CPQ: variants seen among roughly 807,000 people sequenced by gnomAD.
CPQ encodes the protein Ser-Met dipeptidase.
A neutral mutation model predicts 45.7 loss-of-function variants in CPQ; 37 were observed. The observed-to-expected ratio is 0.81, with a 90% CI of 0.62 to 1.07. The LOEUF (loss-of-function observed/expected upper bound fraction) is 1.07, where lower values mean the gene tolerates loss of function less well. Among genes scored for constraint, CPQ ranks in the 50% least tolerant of loss-of-function variants. The pLI is 0.00. For synonymous variants in CPQ, 186 were observed against 205.8 expected (o/e 0.90, Z 0.82); for missense variants, 537 against 572.9 (o/e 0.94, Z 0.64).
At chr8:96,743,476 C>T (rs931551573) in intron 1 of CPQ, among the ~76,000 whole-genome samples, 13 of 152,278 alleles carry the variant, frequency 8.5e-5, no homozygotes, top group East Asian at 1.9e-4. Context: ...TCTCTCAGCT[C>T]GTCAAAGTCA....
At chr8:96,679,335 A>C (rs1809117736) in intron 1 of CPQ, among the ~76,000 whole-genome samples, 1 of 151,600 alleles carries the variant, frequency 6.6e-6, no homozygotes, top group Non-Finnish European at 1.5e-5. Flanking sequence ...TTTGTTGAGA[A>C]TTTTTGCATC....
chr8:96,914,581 T>G (rs921540615), intron 4 of CPQ, among the ~76,000 whole-genome samples: 45 of 152,312 alleles, frequency 3.0e-4, no homozygotes, highest in African/African-American at 1.0e-3. Flanking sequence ...TTTGGCATTC[T>G]TTTTTCCATT....
chr8:97,071,183 T>G (rs1810735871), intron 7 of CPQ, among the ~76,000 whole-genome samples: 1 of 152,184 alleles, frequency 6.6e-6, no homozygotes, highest in Non-Finnish European at 1.5e-5. Context: ...GTGTATATTC[T>G]GACTTCAAAA....
At chr8:97,040,960 G>A (rs1172376444) in intron 6 of CPQ, among the ~76,000 whole-genome samples, 1 of 151,860 alleles carries the variant, frequency 6.6e-6, no homozygotes, top group African/African-American at 2.4e-5. Flanking sequence ...TTGACTTGGT[G>A]ATGCGGGCTC....
intron 6 of CPQ, among the ~76,000 whole-genome samples, chr8:97,033,568 T>C (rs1484359434): frequency 6.6e-6 from 1 of 152,128 alleles, no homozygotes; most frequent in East Asian, 1.9e-4. Context: ...AATATTAGCC[T>C]ATGTAAGTAT....
chr8:96,707,437 A>C (rs1171735935), intron 1 of CPQ, among the ~76,000 whole-genome samples: 1 of 152,054 alleles, frequency 6.6e-6, no homozygotes, highest in Non-Finnish European at 1.5e-5. Flanking sequence ...GCCCACACAA[A>C]TTCGTTAACT....
At chr8:96,999,392 G>A (rs112110000) in intron 5 of CPQ, among the ~76,000 whole-genome samples, 4,303 of 151,654 alleles carry the variant, frequency 0.028, 128 homozygotes, top group African/African-American at 0.076. Context: ...CCTCTTCCCA[G>A]CCCTCATCCT....
intron 1 of CPQ, among the ~76,000 whole-genome samples, chr8:96,728,058 G>T (rs868275809): frequency 6.6e-6 from 1 of 152,068 alleles, no homozygotes; most frequent in African/African-American, 2.4e-5. Flanking sequence ...TCCTGCCAAG[G>T]TGTGCCCCTC....
At chr8:96,650,609 C>T (rs1178279841) in intron 1 of CPQ, among the ~76,000 whole-genome samples, 10 of 152,298 alleles carry the variant, frequency 6.6e-5, no homozygotes, top group Admixed American at 4.6e-4. Flanking sequence ...ATTGTATCAA[C>T]GCCTTGCCTT....
chr8:96,903,410 G>GT (rs1812537703), intron 4 of CPQ, among the ~76,000 whole-genome samples: 1 of 152,174 alleles, frequency 6.6e-6, no homozygotes, highest in South Asian at 2.1e-4. Context: ...TGACTAATGT[G>GT]TAAGTTCCAG....
At chr8:96,933,953 A>G (rs892710026) in intron 4 of CPQ, among the ~76,000 whole-genome samples, 4 of 152,158 alleles carry the variant, frequency 2.6e-5, no homozygotes, top group African/African-American at 7.2e-5. Context: ...TACCGCTACC[A>G]CAACTGTAAT....
chr8:96,650,599 A>G (rs1344402680), intron 1 of CPQ, among the ~76,000 whole-genome samples: 1 of 152,138 alleles, frequency 6.6e-6, no homozygotes, highest in African/African-American at 2.4e-5. Context: ...TGCTTTGTCC[A>G]TTGTATCAAC....
intron 1 of CPQ, among the ~76,000 whole-genome samples, chr8:96,715,989 T>A (rs1326321433): frequency 6.6e-6 from 1 of 152,238 alleles, no homozygotes; most frequent in Non-Finnish European, 1.5e-5. Flanking sequence ...GGGAGTGACA[T>A]AGACTCTGTG....
At chr8:97,045,299 G>T (rs1369809184) in intron 6 of CPQ, among the ~76,000 whole-genome samples, 1 of 152,220 alleles carries the variant, frequency 6.6e-6, no homozygotes, top group African/African-American at 2.4e-5. Flanking sequence ...GCCATGTGCG[G>T]GATATAATCT....
intron 1 of CPQ, among the ~76,000 whole-genome samples, chr8:96,682,292 T>TGTGATAGTAAGTCTCACTTACTCACTC (rs1380155761): frequency 6.6e-6 from 1 of 152,172 alleles, no homozygotes; most frequent in Non-Finnish European, 1.5e-5. Context: ...GTGCTATTCT[T>TGTGATAGTAAGTCTCACTTACTCACTC]GTGATAGTAA....
intron 5 of CPQ, among the ~76,000 whole-genome samples, chr8:97,011,798 C>T (rs1809489524): frequency 6.6e-6 from 1 of 152,142 alleles, no homozygotes; most frequent in Non-Finnish European, 1.5e-5. Context: ...CCCAGTCAAT[C>T]TTGGTCCCTT....
At chr8:96,944,209 A>C (rs1813159376) in intron 4 of CPQ, among the ~76,000 whole-genome samples, 1 of 152,070 alleles carries the variant, frequency 6.6e-6, no homozygotes, top group Admixed American at 6.6e-5. Context: ...TATGATCAAA[A>C]TATCCTCTGG....
chr8:96,654,936 T>TC (rs1304097192), intron 1 of CPQ, among the ~76,000 whole-genome samples: 1 of 146,020 alleles, frequency 6.8e-6, no homozygotes, highest in East Asian at 2.0e-4. Flanking sequence ...CTTTGTGGCT[T>TC]TTTTTTTTTT....
intron 1 of CPQ, among the ~76,000 whole-genome samples, chr8:96,716,087 G>C (rs1020346855): frequency 1.3e-5 from 2 of 152,184 alleles, no homozygotes; most frequent in African/African-American, 4.8e-5. Flanking sequence ...GGACAGACCA[G>C]GACCTTCTCA....
Sources: allele counts gnomAD v4.1 joint callset (sites outside exome capture counted in the v4.1 genomes callset), GRCh38; gene constraint gnomAD v4.1.1; transcripts MANE v1.5; gene names NCBI Gene and HGNC (gene_info 2026-07-23, HGNC 2026-07-21).